The following OSTN variants were observed in gnomAD, a reference collection of about 807,000 sequenced individuals.
The protein encoded by OSTN is osteocrin.
OSTN carries 9 observed loss-of-function variants against 12.0 expected under a neutral mutation model. The observed-to-expected ratio is 0.75, with a 90% CI of 0.45 to 1.30. The LOEUF (loss-of-function observed/expected upper bound fraction) is 1.30, where lower values mean the gene tolerates loss of function less well. OSTN is among the 50% of genes most tolerant of loss of function. The pLI is 0.00. For missense variants in OSTN, 148 were observed against 152.3 expected (o/e 0.97, Z 0.15); for synonymous variants, 59 against 56.9 (o/e 1.04, Z -0.16).
At chr3:191,233,364 C>G (rs914217389) in intron 3 of OSTN, among the ~76,000 whole-genome samples, 126 of 152,314 alleles carry the variant, frequency 8.3e-4, no homozygotes, top group Non-Finnish European at 2.5e-4. Flanking sequence ...CTCAACTATA[C>G]TTTGAAGCCC....
At chr3:191,232,229 G>T (rs1476739457) in intron 3 of OSTN, among the ~76,000 whole-genome samples, 1 of 150,484 alleles carries the variant, frequency 6.6e-6, no homozygotes, top group Non-Finnish European at 1.5e-5. Context: ...TACTCGGGAG[G>T]CTGAGGCATG....
At chr3:191,208,105 G>T (rs751820496) in intron 1 of OSTN, among the ~76,000 whole-genome samples, 18 of 152,172 alleles carry the variant, frequency 1.2e-4, no homozygotes, top group Non-Finnish European at 2.1e-4. Flanking sequence ...ACTATCCAGA[G>T]AAATATTACT....
At chr3:191,254,885 C>A (rs901210187) in intron 4 of OSTN, among the ~76,000 whole-genome samples, 3 of 152,114 alleles carry the variant, frequency 2.0e-5, no homozygotes, top group African/African-American at 4.8e-5. Context: ...TTAACCAAAT[C>A]AAAGATTTAT....
intron 2 of OSTN, among the ~76,000 whole-genome samples, chr3:191,214,919 G>A (rs1215127489): frequency 6.6e-6 from 1 of 152,130 alleles, no homozygotes; most frequent in African/African-American, 2.4e-5. Context: ...GGCTGAGGCA[G>A]GAGAATCACT....
chr3:191,206,364 T>TA (rs1714273728), intron 1 of OSTN, among the ~76,000 whole-genome samples: 1 of 152,206 alleles, frequency 6.6e-6, no homozygotes, highest in Non-Finnish European at 1.5e-5. Flanking sequence ...TGGAATGTCT[T>TA]ACCATAAATG....
Position 191,250,761 on chromosome 3 carries a change from G to A in OSTN, c.*12+628G>A, listed in dbSNP as rs141108103. 4.1e-3 allele frequency among the ~76,000 whole-genome samples: 628 copies of A among 152,220 alleles called. 16 individuals are homozygous for A. The highest frequency in any genetic ancestry group is 0.036 in the Admixed American group (544 of 15,290). ...TTTGTAGTGGGCCTACAATATATTG[G>A]ATACACAATACATGCAAGTGATAGT... On this transcript the variant is annotated intron_variant, in intron 4 of 4. Coordinates refer to ENST00000682035, the MANE Select transcript of OSTN (RefSeq NM_198184.2).
intron 4 of OSTN, among the ~76,000 whole-genome samples, chr3:191,260,820 C>G (rs1350471166): frequency 6.6e-6 from 1 of 151,710 alleles, no homozygotes; most frequent in African/African-American, 2.4e-5. Context: ...TCTTTATGAA[C>G]AACACAGAAA....
intron 3 of OSTN, among the ~76,000 whole-genome samples, chr3:191,236,605 G>C (rs1715198157): frequency 6.6e-6 from 1 of 151,202 alleles, no homozygotes; most frequent in Admixed American, 6.6e-5. Flanking sequence ...TGGGACAAAG[G>C]ATTGTTAATC....
At position 191,222,208 on chromosome 3, in the gene OSTN, A is replaced by G. The variant is rs201045217; in HGVS notation, c.317+3247A>G. 3.3e-5 allele frequency among the ~76,000 whole-genome samples: 5 copies of G among 152,326 alleles called. No individual in the cohort carries two copies. In the East Asian group the frequency reaches 9.6e-4, roughly 29 times the overall value. ...GGAAATTTTGGGTTGGAGCTCCCAC[A>G]TAGAGTCCCCACTGCCTAGTAGTGT... is the stretch of plus-strand genomic sequence containing the variant. On this transcript the variant is annotated intron_variant, in intron 3 of 4. Transcript: ENST00000682035.
chr3:191,220,346 C>T (rs914705231), intron 3 of OSTN, among the ~76,000 whole-genome samples: 7 of 152,026 alleles, frequency 4.6e-5, no homozygotes, highest in African/African-American at 1.4e-4. Context: ...CCTACTTTAA[C>T]TAGAGAAATA....
chr3:191,244,581 T>C (rs1332374512), intron 3 of OSTN, among the ~76,000 whole-genome samples: 3 of 148,022 alleles, frequency 2.0e-5, no homozygotes, highest in African/African-American at 7.3e-5. Flanking sequence ...CACCATTATA[T>C]ATATATTATA....
chr3:191,201,873 G>C (rs1441813932), intron 1 of OSTN, among the ~76,000 whole-genome samples: 1 of 152,136 alleles, frequency 6.6e-6, no homozygotes, highest in Non-Finnish European at 1.5e-5. Flanking sequence ...TCAGGATAAT[G>C]ATAACTGTTA....
Position 191,221,682 on chromosome 3 carries a change from G to A in OSTN, c.317+2721G>A, listed in dbSNP as rs191351734. On this transcript the variant is annotated intron_variant, in intron 3 of 4. Transcript: ENST00000682035. ...GTTCAAGAGGAAGCAGGGCATAAAA[G>A]TTTGAAAAATTTGCAGCCTGATGAT... Among the ~76,000 whole-genome samples the A allele has an allele frequency of 7.7e-3, 1,175 of 151,998 alleles. 14 individuals carry two copies. The highest frequency in any genetic ancestry group is 0.011 in the Non-Finnish European group (743 of 67,862).
intron 2 of OSTN, among the ~76,000 whole-genome samples, chr3:191,214,873 G>T (rs1714568067): frequency 6.6e-6 from 1 of 152,082 alleles, no homozygotes. Context: ...TTAGCTGGGT[G>T]TGATGGTGAC....
At chr3:191,201,060 T>A (rs1016468887) in intron 1 of OSTN, among the ~76,000 whole-genome samples, 3 of 152,192 alleles carry the variant, frequency 2.0e-5, no homozygotes, top group Non-Finnish European at 4.4e-5. Context: ...ACTCTCCAAA[T>A]GGCTTAAGAT....
At chr3:191,205,273 C>G (rs1024170125) in intron 1 of OSTN, among the ~76,000 whole-genome samples, 3 of 152,058 alleles carry the variant, frequency 2.0e-5, no homozygotes, top group Non-Finnish European at 4.4e-5. Context: ...ATCATTAGCC[C>G]ATTAAGGAGC....
At chr3:191,247,572 G>T (rs1392244300) in intron 3 of OSTN, among the ~76,000 whole-genome samples, 1 of 152,176 alleles carries the variant, frequency 6.6e-6, no homozygotes, top group Non-Finnish European at 1.5e-5. Context: ...CAGCAGAAAA[G>T]AAGGTTGAAT....
At position 191,199,325 on chromosome 3, in the gene OSTN, A is replaced by G. The variant is rs1454477827; in HGVS notation, c.-1+18A>G. 1 of 152,136 alleles carries G rather than the reference A, an allele frequency of 6.6e-6. No individual in the cohort carries two copies. Among genetic ancestry groups the G allele is most frequent in the African/African-American group, 2.4e-5 (1 of 41,458 alleles). 9.4% of individuals were successfully genotyped at this position (152,136 alleles called of 1,614,324 possible). On this transcript the variant is annotated intron_variant, in intron 1 of 4. Coordinates refer to ENST00000682035, the MANE Select transcript of OSTN (RefSeq NM_198184.2). ...TTCACGAGGTAAGTTATATGTAAAAATTGATAAAGATTTAATGCTTCTTTT... is the reference window on the plus strand; with the variant it reads ...TTCACGAGGTAAGTTATATGTAAAAGTTGATAAAGATTTAATGCTTCTTTT...
At chr3:191,217,806 G>T (rs1004531292) in intron 2 of OSTN, among the ~76,000 whole-genome samples, 1 of 152,096 alleles carries the variant, frequency 6.6e-6, no homozygotes. Context: ...CTTAGAAACA[G>T]AGACTAAATT....
Sources: gnomAD v4.1 joint callset for allele counts (sites outside exome capture counted in the v4.1 genomes callset) on GRCh38, gnomAD v4.1.1 for gene constraint, MANE v1.5 for transcripts, NCBI Gene and HGNC (gene_info 2026-07-23, HGNC 2026-07-21) for gene names.